The following CAMK1D variants were observed in gnomAD, a reference collection of about 807,000 sequenced individuals.
CAMK1D encodes calcium/calmodulin dependent protein kinase ID.
A neutral mutation model predicts 47.7 loss-of-function variants in CAMK1D; 9 were observed. The ratio of observed to expected loss-of-function variants is 0.19; its 90% CI spans 0.11 to 0.33. The LOEUF (loss-of-function observed/expected upper bound fraction) is 0.33, where lower values mean the gene tolerates loss of function less well. CAMK1D is among the 10% of genes least tolerant of loss of function. The pLI, the probability that CAMK1D is intolerant of heterozygous loss-of-function variation, is 1.00. For missense variants in CAMK1D, 291 were observed against 488.7 expected (o/e 0.60, Z 3.81); for synonymous variants, 184 against 184.9 (o/e 0.99, Z 0.04).
At chr10:12,803,592 T>C (rs1838577848) in intron 6 of CAMK1D, among the ~76,000 whole-genome samples, 1 of 152,044 alleles carries the variant, frequency 6.6e-6, no homozygotes, top group Non-Finnish European at 1.5e-5. Context: ...GAGGCAGAGG[T>C]TGCAGTGAGC....
intron 1 of CAMK1D, among the ~76,000 whole-genome samples, chr10:12,389,525 T>A (rs958262960): frequency 2.9e-4 from 44 of 152,134 alleles, no homozygotes; most frequent in African/African-American, 1.1e-3. Flanking sequence ...CGTGACCTAG[T>A]TACTGTGCCT....
Position 12,666,830 on chromosome 10 carries a change from G to C in CAMK1D, c.299+20G>C. 1.9e-6 allele frequency: 3 copies of C among 1,599,240 alleles called. No homozygotes were observed. Among genetic ancestry groups the C allele is most frequent in the Non-Finnish European group, 2.6e-6 (3 of 1,167,306 alleles). Reference sequence around the variant, plus strand: ...GCAGCTGTAAGTACCTTGTTTGATTGATGAGTTTTGAACCAACTTGCAAAC... The same window carrying C: ...GCAGCTGTAAGTACCTTGTTTGATTCATGAGTTTTGAACCAACTTGCAAAC... On this transcript the variant is annotated intron_variant, in intron 3 of 10. Transcript: ENST00000619168.
intron 2 of CAMK1D, among the ~76,000 whole-genome samples, chr10:12,635,610 A>G (rs988347837): frequency 6.6e-6 from 1 of 152,288 alleles, no homozygotes; most frequent in East Asian, 1.9e-4. Context: ...TTTCAGATCT[A>G]TCGGTTCATG....
At position 12,637,719 on chromosome 10, in the gene CAMK1D, G is replaced by A. The variant is rs568140353; in HGVS notation, c.225-29017G>A. On this transcript the variant is annotated intron_variant, in intron 2 of 10. Coordinates refer to ENST00000619168, the MANE Select transcript of CAMK1D (RefSeq NM_153498.4). ...GATACAGTCTGTTGAAGAACATGGT[G>A]AGGAATTGGCAGGAGAGCATCCGTG... Among the ~76,000 whole-genome samples the A allele has an allele frequency of 5.9e-5, 9 of 152,296 alleles. No individual in the cohort carries two copies. The East Asian group carries it at 1.7e-3, about 29-fold the overall frequency.
chr10:12,668,361 A>G (rs1840499241), intron 3 of CAMK1D, among the ~76,000 whole-genome samples: 1 of 152,210 alleles, frequency 6.6e-6, no homozygotes, highest in Admixed American at 6.5e-5. Flanking sequence ...AAAAACTACT[A>G]ATCCTCAATC....
chr10:12,795,708 C>A (rs1427477641), intron 6 of CAMK1D, among the ~76,000 whole-genome samples: 1 of 152,178 alleles, frequency 6.6e-6, no homozygotes, highest in African/African-American at 2.4e-5. Context: ...CTGGTGTGCG[C>A]CCTTGATAAA....
At chr10:12,808,572 G>A (rs1832464819) in intron 6 of CAMK1D, among the ~76,000 whole-genome samples, 3 of 152,174 alleles carry the variant, frequency 2.0e-5, no homozygotes, top group Admixed American at 2.0e-4. Flanking sequence ...GAGGTCAGGA[G>A]TTTGAGACCA....
intron 1 of CAMK1D, among the ~76,000 whole-genome samples, chr10:12,452,123 G>C (rs1391099293): frequency 6.6e-6 from 1 of 152,186 alleles, no homozygotes; most frequent in African/African-American, 2.4e-5. Context: ...TTGCAAGCCT[G>C]TTTTCACAGT....
chr10:12,614,601 G>A (rs948446621), intron 2 of CAMK1D, among the ~76,000 whole-genome samples: 2 of 152,152 alleles, frequency 1.3e-5, no homozygotes, highest in Non-Finnish European at 1.5e-5. Context: ...TTTGATGACT[G>A]TGTAATAACT....
chr10:12,683,475 G>A (rs1451013384), intron 3 of CAMK1D, among the ~76,000 whole-genome samples: 1 of 152,078 alleles, frequency 6.6e-6, no homozygotes, highest in Non-Finnish European at 1.5e-5. Context: ...GCTAACTTCA[G>A]TGGCACTTTT....
chr10:12,450,128 GGAGA>G (rs1278417126), intron 1 of CAMK1D, among the ~76,000 whole-genome samples: 2 of 146,404 alleles, frequency 1.4e-5, no homozygotes, highest in Admixed American at 6.8e-5. Context: ...GGGAGGGTGG[GGAGA>G]GAGAGAAAGA....
At chr10:12,569,918 T>C (rs1160607678) in intron 2 of CAMK1D, among the ~76,000 whole-genome samples, 2 of 150,826 alleles carry the variant, frequency 1.3e-5, no homozygotes, top group Non-Finnish European at 3.0e-5. Flanking sequence ...AAAAATATTT[T>C]AGGCCGGGCA....
At chr10:12,815,475 G>C (rs1832756302) in intron 7 of CAMK1D, among the ~76,000 whole-genome samples, 1 of 152,252 alleles carries the variant, frequency 6.6e-6, no homozygotes, top group Non-Finnish European at 1.5e-5. Context: ...CTGGAGTATA[G>C]TTGTACAAGG....
chr10:12,750,781 T>C (rs1276831543), intron 3 of CAMK1D, among the ~76,000 whole-genome samples: 1 of 152,234 alleles, frequency 6.6e-6, no homozygotes, highest in Non-Finnish European at 1.5e-5. Context: ...CCAGATGCCA[T>C]GGCTCACGCC....
intron 1 of CAMK1D, among the ~76,000 whole-genome samples, chr10:12,424,014 G>A (rs960093863): frequency 2.0e-5 from 3 of 152,106 alleles, no homozygotes; most frequent in African/African-American, 7.2e-5. Flanking sequence ...CCATCTCGCC[G>A]TCTTTGGCCT....
At chr10:12,803,700 G>A (rs917094504) in intron 6 of CAMK1D, among the ~76,000 whole-genome samples, 55 of 152,020 alleles carry the variant, frequency 3.6e-4, no homozygotes, top group African/African-American at 1.2e-3. Flanking sequence ...GTATAGAATT[G>A]GCTTGAAGTA....
intron 2 of CAMK1D, among the ~76,000 whole-genome samples, chr10:12,643,671 G>A (rs1839729944): frequency 6.6e-6 from 1 of 152,088 alleles, no homozygotes; most frequent in South Asian, 2.1e-4. Flanking sequence ...ATCACTTGAG[G>A]TCAGGAGTTC....
intron 3 of CAMK1D, among the ~76,000 whole-genome samples, chr10:12,676,759 A>G (rs920492785): frequency 6.6e-6 from 1 of 152,174 alleles, no homozygotes; most frequent in Admixed American, 6.5e-5. Flanking sequence ...ATTAATGTGA[A>G]TGGTTCAGTT....
At chr10:12,603,401 C>G (rs1019739821) in intron 2 of CAMK1D, among the ~76,000 whole-genome samples, 3 of 152,204 alleles carry the variant, frequency 2.0e-5, no homozygotes, top group African/African-American at 7.2e-5. Context: ...CCCGTGCACG[C>G]CTGTCCTTGA....
Sources: gnomAD v4.1 joint callset for allele counts (sites outside exome capture counted in the v4.1 genomes callset) on GRCh38, gnomAD v4.1.1 for gene constraint, MANE v1.5 for transcripts, NCBI Gene and HGNC (gene_info 2026-07-23, HGNC 2026-07-21) for gene names.